Variants in AMN1 observed in about 807,000 individuals in gnomAD.
AMN1 encodes the protein protein AMN1 homolog.
Under a neutral mutation model 33.0 loss-of-function variants are expected in AMN1, and 20 were observed. The observed-to-expected ratio is 0.61, with a 90% CI of 0.43 to 0.88. The LOEUF (loss-of-function observed/expected upper bound fraction) is 0.88, where lower values mean the gene tolerates loss of function less well. AMN1 is among the 40% of genes least tolerant of loss of function. AMN1 has a pLI of 0.00. For missense variants in AMN1, 246 were observed against 307.4 expected (o/e 0.80, Z 1.49); for synonymous variants, 114 against 111.9 (o/e 1.02, Z -0.12).
intron 6 of AMN1, among the ~76,000 whole-genome samples, chr12:31,676,689 A>G (rs1937722761): frequency 6.6e-6 from 1 of 151,624 alleles, no homozygotes; most frequent in Admixed American, 6.5e-5. Context: ...AGTTGTGAAT[A>G]TGTTATCAAA....
chr12:31,703,454 T>C (rs1305090560), intron 2 of AMN1, among the ~76,000 whole-genome samples: 1 of 152,136 alleles, frequency 6.6e-6, no homozygotes, highest in East Asian at 1.9e-4. Flanking sequence ...CCCTTCCTCC[T>C]TCCTCCCTTT....
At chr12:31,679,477 A>G (rs1305963291) in intron 6 of AMN1, among the ~76,000 whole-genome samples, 3 of 152,096 alleles carry the variant, frequency 2.0e-5, no homozygotes, top group African/African-American at 7.2e-5. Flanking sequence ...GTTGCAGTAA[A>G]CTGAGATGGT....
At chr12:31,718,053 C>T (rs1163930863) in intron 1 of AMN1, among the ~76,000 whole-genome samples, 1 of 152,154 alleles carries the variant, frequency 6.6e-6, no homozygotes, top group Non-Finnish European at 1.5e-5. Flanking sequence ...TTCAGGTACA[C>T]CAATCAATCG....
At chr12:31,684,052 G>A (rs1592150189) in intron 6 of AMN1, among the ~76,000 whole-genome samples, 1 of 152,056 alleles carries the variant, frequency 6.6e-6, no homozygotes, top group South Asian at 2.1e-4. Context: ...AATAAAATGT[G>A]TCAATATTTA....
intron 5 of AMN1, among the ~76,000 whole-genome samples, chr12:31,694,438 G>C (rs1449390078): frequency 1.0e-5 from 1 of 95,712 alleles, no homozygotes; most frequent in Non-Finnish European, 2.0e-5. Context: ...GCGAAACTCT[G>C]TCTCAAAAAA....
In AMN1 at chr12:31,725,264, C is replaced by T. The variant is rs536602128; in HGVS notation, c.38+3707G>A. ...TAGATAAACTGATTTGCAAAAATTT[C>T]CTAGAGCAAAAAGTTAGGTTGACAT... On this transcript the variant is annotated intron_variant, in intron 1 of 6. Transcript: ENST00000281471. Among the ~76,000 whole-genome samples, 9 of 152,268 alleles carry T rather than the reference C, an allele frequency of 5.9e-5. No individual in the cohort carries two copies. The South Asian group carries it at 1.9e-3, about 32-fold the overall frequency.
chr12:31,688,292 A>G (rs1177736603), intron 6 of AMN1, among the ~76,000 whole-genome samples: 1 of 152,214 alleles, frequency 6.6e-6, no homozygotes, highest in African/African-American at 2.4e-5. Flanking sequence ...AATAGTTAAC[A>G]AGTCATTTAG....
intron 6 of AMN1, among the ~76,000 whole-genome samples, chr12:31,679,372 T>C (rs1055591274): frequency 6.6e-6 from 1 of 151,630 alleles, no homozygotes; most frequent in Non-Finnish European, 1.5e-5. Context: ...ACTAAAAAAA[T>C]ACAAAAAAAT....
intron 1 of AMN1, among the ~76,000 whole-genome samples, chr12:31,709,801 C>T (rs1364781919): frequency 5.9e-5 from 9 of 152,124 alleles, no homozygotes; most frequent in Admixed American, 5.9e-4. Context: ...TACGCTCCAG[C>T]CTGGGCAACA....
At chr12:31,688,718 G>A (rs969182426) in intron 6 of AMN1, among the ~76,000 whole-genome samples, 33 of 152,144 alleles carry the variant, frequency 2.2e-4, no homozygotes, top group South Asian at 2.1e-4. Context: ...GGCTGAGGCA[G>A]GAGAATTGCT....
At chr12:31,679,446 G>A (rs1418058854) in intron 6 of AMN1, among the ~76,000 whole-genome samples, 4 of 152,054 alleles carry the variant, frequency 2.6e-5, no homozygotes, top group Admixed American at 6.6e-5. Flanking sequence ...CAGGAGAATC[G>A]CTTGAACCTG....
chr12:31,686,545 C>T (rs1232233982), intron 6 of AMN1, among the ~76,000 whole-genome samples: 1 of 152,204 alleles, frequency 6.6e-6, no homozygotes, highest in African/African-American at 2.4e-5. Context: ...GTCGAAAATA[C>T]ACAAAGTCGA....
Position 31,696,056 on chromosome 12 carries a change from A to T in AMN1, c.591+1305T>A, listed in dbSNP as rs1353848879. 2.0e-5 allele frequency among the ~76,000 whole-genome samples: 3 copies of T among 151,600 alleles called. No homozygotes were observed. The East Asian group carries it at 6.0e-4, about 30-fold the overall frequency. On this transcript the variant is annotated intron_variant, in intron 5 of 6. Transcript: ENST00000281471. Reference sequence around the variant, plus strand: ...TCAGAAGTCTGAGACCAGCCTAGCCAACATGGCAAAACCCTGTCTCTAATA... The same window carrying T: ...TCAGAAGTCTGAGACCAGCCTAGCCTACATGGCAAAACCCTGTCTCTAATA...
intron 6 of AMN1, among the ~76,000 whole-genome samples, 195 bp downstream of exon 6, chr12:31,688,812 C>CA (rs1479939399): frequency 8.3e-5 from 12 of 145,244 alleles, no homozygotes; most frequent in Non-Finnish European, 1.5e-4. Context: ...CTCCGTCTCC[C>CA]AAAAAATTAA....
In AMN1 at chr12:31,672,240, A is replaced by T; in HGVS notation, c.*64T>A. 3 of 1,100,798 alleles carry T rather than the reference A, an allele frequency of 2.7e-6. No homozygotes were observed. Among genetic ancestry groups the T allele is most frequent in the Admixed American group, 2.0e-5 (1 of 49,686 alleles). The allele number at this position is 1,100,798 out of a possible 1,614,324, so 68.2% of individuals were successfully genotyped here. A position where few individuals can be genotyped will look rare whatever the true frequency, so the allele number is the denominator to read the frequency against. ...CATTAAGTAGAATGCAAATCTCTAT[A>T]GATGGTTTCCTGGGAAAGTAGTTTT... is the stretch of plus-strand genomic sequence containing the variant. On this transcript the variant is annotated 3_prime_UTR_variant, in exon 7 of 7. Coordinates refer to ENST00000281471, the MANE Select transcript of AMN1 (RefSeq NM_001113402.2).
chr12:31,702,173 A>T (rs1939034848), intron 2 of AMN1, among the ~76,000 whole-genome samples, 166 bp from the exon 3 acceptor site: 1 of 152,246 alleles, frequency 6.6e-6, no homozygotes. Flanking sequence ...AGCAGGAGAA[A>T]ACCACTTCTA....
chr12:31,684,266 A>C (rs543772708), intron 6 of AMN1, among the ~76,000 whole-genome samples: 8 of 152,130 alleles, frequency 5.3e-5, no homozygotes, highest in Non-Finnish European at 1.2e-4. Context: ...ACCCATAAGA[A>C]ATTACCACTT....
At chr12:31,673,414 A>AT (rs144805339) in intron 6 of AMN1, 3 of 171,520 alleles carry the variant, frequency 1.7e-5, no homozygotes, top group African/African-American at 4.8e-5. Flanking sequence ...AAGGTTTACA[A>AT]TTTTTTAAAA....
chr12:31,676,040 T>C (rs757799270), intron 6 of AMN1, among the ~76,000 whole-genome samples: 2 of 151,834 alleles, frequency 1.3e-5, no homozygotes, highest in African/African-American at 4.9e-5. Context: ...AATGTATTTC[T>C]ATACATCAAC....
Sources: allele counts gnomAD v4.1 joint callset (sites outside exome capture counted in the v4.1 genomes callset), GRCh38; gene constraint gnomAD v4.1.1; transcripts MANE v1.5; gene names NCBI Gene and HGNC (gene_info 2026-07-23, HGNC 2026-07-21).